ZC3H4: variants seen among roughly 807,000 people sequenced by gnomAD.
ZC3H4 encodes zinc finger CCCH-type containing 4.
In ZC3H4, 13 loss-of-function variants were observed where a neutral mutation model predicts 108.3. The observed-to-expected ratio is 0.12, with a 90% confidence interval of 0.08 to 0.19. The LOEUF (loss-of-function observed/expected upper bound fraction) is 0.19. Among genes scored for constraint, ZC3H4 ranks in the 10% least tolerant of loss-of-function variants. The probability of loss-of-function intolerance (pLI) is 1.00; values close to 1 mark genes in which losing one functional copy is unlikely to be tolerated. For missense variants in ZC3H4, 1,734 were observed against 1,838.8 expected, an observed-to-expected ratio of 0.94 and a Z score of 1.04; for synonymous variants, 917 against 749.6, an observed-to-expected ratio of 1.22 and a Z score of -3.65.
intron 11 of ZC3H4, among the ~76,000 whole-genome samples, chr19:47,080,442 G>A (rs1021402189): frequency 1.3e-5 from 2 of 152,064 alleles, no homozygotes; most frequent in Admixed American, 6.6e-5. Flanking sequence ...GCAAAGAAAC[G>A]TTTGACTTTT....
At chr19:47,112,097 C>T in intron 2 of ZC3H4, 1 of 1,038,350 alleles carries the variant, frequency 9.6e-7, no homozygotes, top group Non-Finnish European at 1.2e-6. Context: ...ACGGCGCCCC[C>T]TCCCCAGGAC....
Position 47,090,019 on chromosome 19 carries a change from G to A in ZC3H4, c.663C>T (p.Thr221=). The A allele has an allele frequency of 6.2e-7, 1 of 1,614,186 alleles. No homozygotes were observed. The highest frequency in any genetic ancestry group is 8.5e-7 in the Non-Finnish European group (1 of 1,180,022). ...CACGCCGGTACTGGTTCAGCTCTTT[G>A]GTGAAGTCGTCATAGTCCTCCTTGC... The part of the protein sequence containing the change: ...DMGKEDYDDF[T]KELNQYRRAK... The change falls in exon 5 of 15, where the codon ACC becomes ACT. Residue 221 remains threonine, a synonymous_variant. Transcript: ENST00000253048.
At chr19:47,099,821 TAAAAAAA>T (rs34876026) in intron 2 of ZC3H4, among the ~76,000 whole-genome samples, 509 of 103,156 alleles carry the variant, frequency 4.9e-3, no homozygotes, top group African/African-American at 0.011. Context: ...TACAAGAGTT[TAAAAAAA>T]AAAAAAAAAA....
chr19:47,103,774 A>AC (rs2057933896), intron 2 of ZC3H4, among the ~76,000 whole-genome samples: 1 of 151,004 alleles, frequency 6.6e-6, no homozygotes, highest in Non-Finnish European at 1.5e-5. Context: ...AAAAAAAAAA[A>AC]AAAAAAAAAC....
chr19:47,090,973 AG>A (rs577689124), intron 4 of ZC3H4, among the ~76,000 whole-genome samples: 226 of 152,348 alleles, frequency 1.5e-3, no homozygotes, highest in African/African-American at 4.7e-3. Context: ...GCTCTAAAAA[AG>A]AAAGTCAGGG....
intron 2 of ZC3H4, among the ~76,000 whole-genome samples, chr19:47,095,116 G>T (rs1202857807): frequency 6.6e-6 from 1 of 152,154 alleles, no homozygotes; most frequent in African/African-American, 2.4e-5. Flanking sequence ...CCCAGGCCCA[G>T]GATTGCCTGC....
chr19:47,072,892 C>T lies in ZC3H4; in HGVS notation c.1441-179G>A, dbSNP rs2057355751. Among the ~76,000 whole-genome samples the T allele has an allele frequency of 6.6e-6, 1 of 152,156 alleles. No individual in the cohort carries two copies. Among genetic ancestry groups the T allele is most frequent in the Non-Finnish European group, 1.5e-5 (1 of 68,026 alleles). ...ATCATCATCAGCCACCTCTCTGCTC[C>T]ACTCTCGGGGACCAGCTGGTAGAGG... On this transcript the variant is annotated intron_variant, in intron 11 of 14. Transcript: ENST00000253048. This position sits in a 1 kb window ranked among gnomAD's most constrained non-coding sequence, Gnocchi z 5.6.
intron 2 of ZC3H4, among the ~76,000 whole-genome samples, chr19:47,098,402 A>ATCG (rs2057856550): frequency 2.0e-5 from 3 of 150,642 alleles, no homozygotes; most frequent in South Asian, 2.1e-4. Flanking sequence ...AGGCACAAGA[A>ATCG]CTTGAACCTG....
chr19:47,098,808 A>G (rs546273655), intron 2 of ZC3H4, among the ~76,000 whole-genome samples: 1 of 152,318 alleles, frequency 6.6e-6, no homozygotes, highest in South Asian at 2.1e-4. Context: ...TCCAAAGTAG[A>G]CATGATATTT....
At chr19:47,089,936 C>T in intron 5 of ZC3H4, 31 bp downstream of exon 5, 1 of 1,612,772 alleles carries the variant, frequency 6.2e-7, no homozygotes, top group Non-Finnish European at 8.5e-7. Flanking sequence ...CTCCGATGCC[C>T]CAGAGGAGAA....
chr19:47,067,716 T>C lies in ZC3H4; in HGVS notation c.2552A>G (p.Lys851Arg). 1 of 1,606,630 alleles carries C rather than the reference T, an allele frequency of 6.2e-7. No homozygotes were observed. The highest frequency in any genetic ancestry group is 8.5e-7 in the Non-Finnish European group (1 of 1,178,182). ...SSGLGDPRLQ[K>R]GHPTGSRLAD... ...CAGCCGGCTTCCTGTGGGGTGTCCC[T>C]TCTGGAGGCGGGGGTCCCCCAGCCC... Residue 851 changes from lysine (K) to arginine (R), a missense_variant, in exon 15 of 15, where the codon AAG becomes AGG. Physicochemically the swap from Lys to Arg is conservative, Grantham distance 26. This residue lies in a region of ZC3H4 where 540 missense variants were observed against 484.1 expected (regional missense o/e 1.12). Transcript: ENST00000253048. This position sits in a 1 kb window ranked among gnomAD's most constrained non-coding sequence, Gnocchi z 6.4.
intron 11 of ZC3H4, among the ~76,000 whole-genome samples, chr19:47,076,867 C>T (rs957544241): frequency 6.6e-6 from 1 of 152,040 alleles, no homozygotes; most frequent in African/African-American, 2.4e-5. Context: ...GTGGCACACA[C>T]CTGTAATCCC....
At chr19:47,070,045 C>A (rs574603099) in intron 13 of ZC3H4, among the ~76,000 whole-genome samples, 1 of 151,934 alleles carries the variant, frequency 6.6e-6, no homozygotes, top group Non-Finnish European at 1.5e-5. Context: ...ACGCAGCAGG[C>A]GTAGAGGGGA....
At chr19:47,100,526 C>G (rs1287357122) in intron 2 of ZC3H4, among the ~76,000 whole-genome samples, 1 of 151,658 alleles carries the variant, frequency 6.6e-6, no homozygotes, top group Non-Finnish European at 1.5e-5. Flanking sequence ...ACCCTACACC[C>G]TCACTTCAAC....
At chr19:47,069,035 C>G in intron 14 of ZC3H4, 57 bp downstream of exon 14, 4 of 1,598,032 alleles carry the variant, frequency 2.5e-6, no homozygotes, top group African/African-American at 1.3e-5. Context: ...CCACCACCGC[C>G]GCTCCCCTGC....
In ZC3H4 at chr19:47,064,578, C is replaced by A. The variant is rs1213675822; in HGVS notation, c.*1778G>T. ...TATTTTTCTTTTACAAAAGAAAATTCTCAAAAGGAGAGGAAAAACAACAAC... is the reference window on the plus strand; with the variant it reads ...TATTTTTCTTTTACAAAAGAAAATTATCAAAAGGAGAGGAAAAACAACAAC... On this transcript the variant is annotated 3_prime_UTR_variant, in exon 15 of 15. Coordinates refer to ENST00000253048, the MANE Select transcript of ZC3H4 (RefSeq NM_015168.2). 5 of 152,290 alleles carry A rather than the reference C, an allele frequency of 3.3e-5. No individual in the cohort carries two copies. The highest frequency in any genetic ancestry group is 3.3e-4 in the Admixed American group (5 of 15,254). The allele number at this position is 152,290 out of a possible 1,614,324, so 9.4% of individuals were successfully genotyped here. A position where few individuals can be genotyped will look rare whatever the true frequency, so the allele number is the denominator to read the frequency against.
rs1485349699 is a variant in ZC3H4 at position 47,112,522 on chromosome 19, CGGCGAT to C, written c.57_62del (p.Ser20_Pro21del). The C allele has an allele frequency of 2.8e-6, 3 of 1,071,786 alleles. No individual in the cohort carries two copies. Among genetic ancestry groups the C allele is most frequent in the African/African-American group, 1.6e-5 (1 of 61,236 alleles). 66.4% of individuals were successfully genotyped at this position (1,071,786 alleles called of 1,614,324 possible). On this transcript the variant is annotated inframe_deletion, in exon 2 of 15. Transcript: ENST00000253048. Reference sequence around the variant, plus strand: ...GAGGCGAAGGCGTTGATGGCGGCGGCGGCGATGGCGGCGGCGGCGACTCTGATGGCG... The same window carrying C: ...GAGGCGAAGGCGTTGATGGCGGCGGCGGCGGCGGCGGCGACTCTGATGGCG...
intron 4 of ZC3H4, among the ~76,000 whole-genome samples, chr19:47,090,942 AT>A (rs2057721636): frequency 6.6e-6 from 1 of 152,198 alleles, no homozygotes; most frequent in Non-Finnish European, 1.5e-5. Flanking sequence ...TACCTGCTCA[AT>A]TTTGAATAAA....
chr19:47,080,412 T>C (rs1292321786), intron 11 of ZC3H4, among the ~76,000 whole-genome samples: 1 of 152,204 alleles, frequency 6.6e-6, no homozygotes, highest in East Asian at 1.9e-4. Flanking sequence ...CTCTAATGCA[T>C]AATGGGGGCC....
Sources: allele counts gnomAD v4.1 joint callset (sites outside exome capture counted in the v4.1 genomes callset), GRCh38; gene constraint gnomAD v4.1.1; regional missense constraint gnomAD v4.1.1; non-coding constraint Gnocchi (gnomAD v3.1); transcripts MANE v1.5; gene names NCBI Gene and HGNC (gene_info 2026-07-23, HGNC 2026-07-21).